The following GRM7 variants were observed in gnomAD, a reference collection of about 807,000 sequenced individuals.
The protein encoded by GRM7 is glutamate metabotropic receptor 7.
Under a neutral mutation model 84.5 loss-of-function variants are expected in GRM7, and 35 were observed. The ratio of observed to expected loss-of-function variants is 0.41; its 90% CI spans 0.32 to 0.55. The LOEUF (loss-of-function observed/expected upper bound fraction) is 0.55. Among genes scored for constraint, GRM7 ranks in the 20% least tolerant of loss-of-function variants. The pLI is 0.19. For missense variants in GRM7, 1,003 were observed against 1,194.6 expected (o/e 0.84, Z 2.36); for synonymous variants, 487 against 455.1 (o/e 1.07, Z -0.89).
At chr3:6,969,757 C>A (rs1575080401) in intron 1 of GRM7, among the ~76,000 whole-genome samples, 2 of 152,132 alleles carry the variant, frequency 1.3e-5, no homozygotes, top group Non-Finnish European at 2.9e-5. Context: ...ATATCTAAGG[C>A]CCAGCCCTTT....
At chr3:7,199,630 G>C (rs944721583) in intron 2 of GRM7, among the ~76,000 whole-genome samples, 1 of 152,154 alleles carries the variant, frequency 6.6e-6, no homozygotes, top group Non-Finnish European at 1.5e-5. Flanking sequence ...CTACTGTAGA[G>C]GCTTCCACTG....
At chr3:7,386,212 T>G (rs2125135223) in intron 4 of GRM7, among the ~76,000 whole-genome samples, 1 of 152,352 alleles carries the variant, frequency 6.6e-6, no homozygotes, top group South Asian at 2.1e-4. Flanking sequence ...TTTTAAAAAC[T>G]TATTAATTAT....
chr3:6,987,633 A>G (rs544757166), intron 1 of GRM7, among the ~76,000 whole-genome samples: 1 of 152,214 alleles, frequency 6.6e-6, no homozygotes, highest in Non-Finnish European at 1.5e-5. Context: ...GAGCTATTCA[A>G]GCTAGATCAT....
chr3:7,093,068 A>AAACACC (rs1388508615), intron 1 of GRM7, among the ~76,000 whole-genome samples: 3 of 152,164 alleles, frequency 2.0e-5, no homozygotes, highest in African/African-American at 7.2e-5. Flanking sequence ...GTCTCAATTA[A>AAACACC]AACACCAACA....
intron 1 of GRM7, among the ~76,000 whole-genome samples, chr3:7,115,856 C>G (rs1177053489): frequency 2.6e-5 from 4 of 152,106 alleles, no homozygotes. Flanking sequence ...ATCTTTCATC[C>G]TCCTGGAACA....
chr3:7,271,851 C>T (rs1051144417), intron 2 of GRM7, among the ~76,000 whole-genome samples: 3 of 152,182 alleles, frequency 2.0e-5, no homozygotes, highest in African/African-American at 7.2e-5. Flanking sequence ...TCTATCAACA[C>T]ATTTGTGTTG....
chr3:6,888,445 C>T (rs1695792877), intron 1 of GRM7, among the ~76,000 whole-genome samples: 1 of 152,142 alleles, frequency 6.6e-6, no homozygotes, highest in Non-Finnish European at 1.5e-5. Context: ...CAGCTTTCTA[C>T]ATATGGCTGG....
intron 1 of GRM7, among the ~76,000 whole-genome samples, chr3:6,943,526 G>T (rs538085658): frequency 3.0e-4 from 45 of 152,116 alleles, no homozygotes; most frequent in African/African-American, 1.0e-3. Context: ...TCAATTTATA[G>T]ATTCTATTCT....
At chr3:6,943,913 A>G (rs1249611872) in intron 1 of GRM7, among the ~76,000 whole-genome samples, 2 of 152,016 alleles carry the variant, frequency 1.3e-5, no homozygotes, top group African/African-American at 2.4e-5. Flanking sequence ...TGCTTTTTAT[A>G]TCTAAATATT....
At chr3:7,391,142 G>A (rs1032802931) in intron 4 of GRM7, among the ~76,000 whole-genome samples, 7 of 151,970 alleles carry the variant, frequency 4.6e-5, no homozygotes, top group Non-Finnish European at 4.4e-5. Context: ...CTCTGTACAG[G>A]TTCCTTGGTT....
intron 7 of GRM7, among the ~76,000 whole-genome samples, chr3:7,535,621 C>A (rs1222035232): frequency 1.3e-5 from 2 of 152,212 alleles, no homozygotes; most frequent in Non-Finnish European, 2.9e-5. Context: ...GCTCTAATTT[C>A]CTTCCCTTCA....
chr3:7,587,196 C>G (rs1464169053), intron 8 of GRM7, among the ~76,000 whole-genome samples: 2 of 152,214 alleles, frequency 1.3e-5, no homozygotes, highest in Non-Finnish European at 2.9e-5. Flanking sequence ...TCTTTCTCCC[C>G]TCTTCCTCTT....
At chr3:7,122,861 T>C (rs1227563084) in intron 1 of GRM7, among the ~76,000 whole-genome samples, 2 of 152,196 alleles carry the variant, frequency 1.3e-5, no homozygotes. Flanking sequence ...TGAAAGCAAC[T>C]AATAAGCTCT....
intron 4 of GRM7, among the ~76,000 whole-genome samples, chr3:7,398,495 T>C (rs942286223): frequency 6.6e-6 from 1 of 152,074 alleles, no homozygotes; most frequent in Non-Finnish European, 1.5e-5. Context: ...ATCCCTAAGA[T>C]ATGGCAAGTT....
intron 1 of GRM7, among the ~76,000 whole-genome samples, chr3:6,974,921 G>A (rs1693930711): frequency 2.0e-5 from 3 of 152,136 alleles, no homozygotes; most frequent in Non-Finnish European, 4.4e-5. Context: ...CGTGCTTTGG[G>A]GGCATATTGG....
intron 4 of GRM7, among the ~76,000 whole-genome samples, chr3:7,337,114 CACTT>C (rs1701449830): frequency 6.6e-6 from 1 of 151,914 alleles, no homozygotes; most frequent in Non-Finnish European, 1.5e-5. Context: ...GAAATAAATC[CACTT>C]ACTTACAGCC....
chr3:7,354,540 G>C (rs759069037), intron 4 of GRM7, among the ~76,000 whole-genome samples: 7 of 152,210 alleles, frequency 4.6e-5, no homozygotes, highest in Admixed American at 4.6e-4. Flanking sequence ...TAGGAAAATC[G>C]TAAGACAGAA....
intron 2 of GRM7, among the ~76,000 whole-genome samples, chr3:7,199,752 A>G (rs749672452): frequency 1.3e-5 from 2 of 152,152 alleles, no homozygotes; most frequent in Non-Finnish European, 2.9e-5. Flanking sequence ...CCTGACATAG[A>G]GCCATGATTT....
At chr3:7,322,889 G>T (rs1249725110) in intron 4 of GRM7, among the ~76,000 whole-genome samples, 1 of 152,060 alleles carries the variant, frequency 6.6e-6, no homozygotes, top group East Asian at 1.9e-4. Context: ...AGTGGCGTAT[G>T]GTCGTTAGAA....
Sources: gnomAD v4.1 joint callset for allele counts (sites outside exome capture counted in the v4.1 genomes callset) on GRCh38, gnomAD v4.1.1 for gene constraint, MANE v1.5 for transcripts, NCBI Gene and HGNC (gene_info 2026-07-23, HGNC 2026-07-21) for gene names.